SLC9A7: variants seen among roughly 807,000 people sequenced by gnomAD.
SLC9A7 encodes sodium/hydrogen exchanger 7.
A neutral mutation model predicts 52.6 loss-of-function variants in SLC9A7; 19 were observed. That is an observed-to-expected ratio of 0.36 (90% CI 0.25 to 0.53). The LOEUF is 0.53. SLC9A7 is among the 20% of genes least tolerant of loss of function. SLC9A7 has a pLI of 0.91. For synonymous variants in SLC9A7, 226 were observed against 252.1 expected (o/e 0.90, Z 0.98); for missense variants, 455 against 597.9 (o/e 0.76, Z 2.49).
At chrX:46,658,732 T>C (rs1023483628) in intron 7 of SLC9A7, among the ~76,000 whole-genome samples, 1 of 111,406 alleles carries the variant, frequency 9.0e-6, no homozygotes, top group Non-Finnish European at 1.9e-5. Context: ...CAATAATCAA[T>C]AGCTTACCAA....
chrX:46,630,942 G>A (rs1943210955), intron 14 of SLC9A7, among the ~76,000 whole-genome samples: 1 of 112,442 alleles, frequency 8.9e-6, no homozygotes, highest in African/African-American at 3.2e-5. Context: ...ATGCTGGCAG[G>A]CAGCTCAGGC....
chrX:46,599,730 C>A lies in SLC9A7; in HGVS notation c.*7222G>T, dbSNP rs1252651305. ...ATTTTTCACAGTTATACTTTAATGT[C>A]ATTTTATATAACGTTTATTTATATA... On this transcript the variant is annotated 3_prime_UTR_variant, in exon 17 of 17. Transcript: ENST00000616978. The A allele has an allele frequency of 9.0e-6, 1 of 111,516 alleles. No individual in the cohort carries two copies. The highest frequency in any genetic ancestry group is 1.9e-5 in the Non-Finnish European group (1 of 53,147). The allele number at this position is 111,516 out of a possible 1,213,427, so 9.2% of individuals were successfully genotyped here.
intron 1 of SLC9A7, 48 bp downstream of exon 1, chrX:46,758,657 C>T: frequency 1.1e-6 from 1 of 920,363 alleles, no homozygotes; most frequent in Non-Finnish European, 1.4e-6. Context: ...AGGAGGAGCG[C>T]GGCGGCCGAG....
intron 8 of SLC9A7, 139 bp downstream of exon 8, chrX:46,653,470 T>C (rs1157173185): frequency 2.4e-6 from 1 of 415,838 alleles, no homozygotes; most frequent in Non-Finnish European, 4.2e-6. Context: ...ATAGCCTTGC[T>C]CAGCAATCCT....
intron 1 of SLC9A7, among the ~76,000 whole-genome samples, chrX:46,703,308 G>A (rs1489136728): frequency 9.0e-6 from 1 of 111,686 alleles, no homozygotes; most frequent in African/African-American, 3.3e-5. Context: ...TACTTCTGAG[G>A]ACTTAGCCAA....
At chrX:46,697,090 T>G (rs1203601938) in intron 1 of SLC9A7, among the ~76,000 whole-genome samples, 1 of 111,903 alleles carries the variant, frequency 8.9e-6, no homozygotes, top group Non-Finnish European at 1.9e-5. Flanking sequence ...GAATTAATGA[T>G]GACTACCAGG....
At chrX:46,647,996 G>A (rs766938299) in intron 11 of SLC9A7, among the ~76,000 whole-genome samples, 90 of 112,415 alleles carry the variant, frequency 8.0e-4, no homozygotes, top group Non-Finnish European at 1.3e-3. Context: ...CACCCTCACT[G>A]CATCATCCAC....
chrX:46,704,738 C>A (rs1944580254), intron 1 of SLC9A7, among the ~76,000 whole-genome samples: 1 of 111,558 alleles, frequency 9.0e-6, no homozygotes, highest in Non-Finnish European at 1.9e-5. Flanking sequence ...AAGAGTTGTA[C>A]CCAACTGGTG....
intron 14 of SLC9A7, among the ~76,000 whole-genome samples, chrX:46,624,241 CT>C (rs1012303637): frequency 9.6e-5 from 10 of 104,108 alleles, no homozygotes; most frequent in Non-Finnish European, 1.6e-4. Context: ...GAACCCCCCC[CT>C]ATAGCCAGTC....
intron 1 of SLC9A7, among the ~76,000 whole-genome samples, chrX:46,733,730 G>C (rs1945079399): frequency 9.1e-6 from 1 of 110,064 alleles, no homozygotes; most frequent in African/African-American, 3.3e-5. Context: ...CAACCACTAT[G>C]AAACTAACTC....
At chrX:46,626,368 G>A (rs776393876) in intron 14 of SLC9A7, among the ~76,000 whole-genome samples, 2 of 110,472 alleles carry the variant, frequency 1.8e-5, no homozygotes, top group African/African-American at 3.3e-5. Context: ...TCCGCCTCCC[G>A]GGATCAAGCG....
At chrX:46,715,472 T>TAAC (rs1158853321) in intron 1 of SLC9A7, among the ~76,000 whole-genome samples, 2 of 111,845 alleles carry the variant, frequency 1.8e-5, no homozygotes, top group Admixed American at 9.5e-5. Context: ...AAATTGTTAA[T>TAAC]AACTACATTA....
At chrX:46,682,263 T>C in intron 2 of SLC9A7, 73 bp downstream of exon 2, 1 of 998,566 alleles carries the variant, frequency 1.0e-6, no homozygotes, top group Admixed American at 2.3e-5. Context: ...AGGATTTCTC[T>C]CCACAAGGTC....
At chrX:46,656,157 G>A (rs1183594608) in intron 7 of SLC9A7, among the ~76,000 whole-genome samples, 3 of 111,706 alleles carry the variant, frequency 2.7e-5, no homozygotes, top group Non-Finnish European at 5.7e-5. Flanking sequence ...CTGCAGCTGA[G>A]GGTCCTGTCT....
Position 46,601,988 on chromosome X carries a change from G to T in SLC9A7, c.*4964C>A, listed in dbSNP as rs1457421089. 9.0e-6 allele frequency: 1 copy of T among 110,893 alleles called. No individual in the cohort carries two copies. Among genetic ancestry groups the T allele is most frequent in the Non-Finnish European group, 1.9e-5 (1 of 52,948 alleles). 9.1% of individuals were successfully genotyped at this position (110,893 alleles called of 1,213,427 possible). On this transcript the variant is annotated 3_prime_UTR_variant, in exon 17 of 17. Transcript: ENST00000616978. ...AATCCAGTGTGGACTCAGGCATGAGGATAGGTGAAGGAAAAGAAAATCTGA... is the reference window on the plus strand; with the variant it reads ...AATCCAGTGTGGACTCAGGCATGAGTATAGGTGAAGGAAAAGAAAATCTGA...
At chrX:46,674,319 A>G (rs1453831899) in intron 3 of SLC9A7, among the ~76,000 whole-genome samples, 2 of 112,195 alleles carry the variant, frequency 1.8e-5, no homozygotes, top group Non-Finnish European at 3.8e-5. Context: ...TCACACACAC[A>G]CTATTACCCA....
In SLC9A7 at chrX:46,638,657, C is replaced by T. The variant is rs1016151531; in HGVS notation, c.1617-3009G>A. Among the ~76,000 whole-genome samples, 3 of 111,881 alleles carry T rather than the reference C, an allele frequency of 2.7e-5. No homozygotes were observed. The Admixed American group carries it at 2.8e-4, about 11-fold the overall frequency. ...CAATTTCACAAATTACCACAACTTACCCAATATGAAATAGGTCATCTGAAA... is the reference window on the plus strand; with the variant it reads ...CAATTTCACAAATTACCACAACTTATCCAATATGAAATAGGTCATCTGAAA... On this transcript the variant is annotated intron_variant, in intron 12 of 16. Transcript: ENST00000616978.
chrX:46,666,171 A>G (rs1272963254), intron 5 of SLC9A7, among the ~76,000 whole-genome samples: 4 of 111,992 alleles, frequency 3.6e-5, no homozygotes, highest in Non-Finnish European at 5.6e-5. Context: ...CAGTGGTGCT[A>G]TCACAGCTCA....
intron 7 of SLC9A7, among the ~76,000 whole-genome samples, chrX:46,654,112 C>G (rs1250416435): frequency 9.0e-6 from 1 of 111,151 alleles, no homozygotes; most frequent in East Asian, 2.8e-4. Flanking sequence ...TCATGTAGGC[C>G]AGGTGTGGTG....
Sources: gnomAD v4.1 joint callset for allele counts (sites outside exome capture counted in the v4.1 genomes callset) on GRCh38, gnomAD v4.1.1 for gene constraint, MANE v1.5 for transcripts, NCBI Gene and HGNC (gene_info 2026-07-23, HGNC 2026-07-21) for gene names.